Variants in MYCT1 observed in about 807,000 individuals in gnomAD.
MYCT1 encodes MYC target 1, also known as myc target protein 1.
MYCT1 carries 12 observed loss-of-function variants against 15.0 expected under a neutral mutation model. The observed-to-expected ratio is 0.80, with a 90% CI of 0.51 to 1.29. The LOEUF (loss-of-function observed/expected upper bound fraction) is 1.29. Ranked by LOEUF, MYCT1 falls within the 50% of genes most tolerant of loss-of-function variation. MYCT1 has a pLI of 0.00. For missense variants in MYCT1, 287 were observed against 279.1 expected (o/e 1.03, Z -0.20); for synonymous variants, 104 against 102.7 (o/e 1.01, Z -0.07).
chr6:152,731,136 T>G, the MYCT1 span, among the ~76,000 whole-genome samples: 1 of 151,970 alleles, frequency 6.6e-6, no homozygotes, highest in Non-Finnish European at 1.5e-5. Flanking sequence ...TACCTTCAAG[T>G]CAATAAATCT....
At chr6:152,739,972 A>G in the MYCT1 span, among the ~76,000 whole-genome samples, 1 of 152,084 alleles carries the variant, frequency 6.6e-6, no homozygotes, top group Non-Finnish European at 1.5e-5. Context: ...AATTCAGAGT[A>G]AGAAGCAAAA....
At chr6:152,706,159 G>A (rs1166038082) in intron 1 of MYCT1, 13 of 1,284,854 alleles carry the variant, frequency 1.0e-5, no homozygotes, top group Non-Finnish European at 1.5e-5. Context: ...CTTTATTAAT[G>A]AACTGTGACA....
intron 1 of MYCT1, among the ~76,000 whole-genome samples, chr6:152,703,940 T>TTTTTATTTATTTTATTTTA (rs2099721758): frequency 2.4e-5 from 3 of 123,082 alleles, no homozygotes; most frequent in African/African-American, 9.6e-5. Context: ...TTTTCCCTGT[T>TTTTTATTTATTTTATTTTA]TTTTATTTTA....
chr6:152,743,962 C>CA, the MYCT1 span, among the ~76,000 whole-genome samples: 2 of 152,192 alleles, frequency 1.3e-5, no homozygotes, highest in African/African-American at 4.8e-5. Context: ...GCTTCCTTGA[C>CA]AGGGAGAGTT....
the MYCT1 span, among the ~76,000 whole-genome samples, chr6:152,744,886 G>A: frequency 1.3e-5 from 2 of 152,182 alleles, no homozygotes; most frequent in Admixed American, 6.5e-5. Flanking sequence ...AGAGTAAGCC[G>A]AAACTCAGGG....
chr6:152,699,753 AC>A (rs1242061719), intron 1 of MYCT1, among the ~76,000 whole-genome samples: 5 of 152,140 alleles, frequency 3.3e-5, no homozygotes, highest in East Asian at 1.9e-4. Flanking sequence ...ACTTAAAAAA[AC>A]AAATCATTAT....
chr6:152,719,843 T>TTA (rs1459183496), intron 1 of MYCT1, among the ~76,000 whole-genome samples: 2 of 152,136 alleles, frequency 1.3e-5, no homozygotes, highest in East Asian at 1.9e-4. Context: ...TCTAACTCCT[T>TTA]TATATATATG....
intron 1 of MYCT1, among the ~76,000 whole-genome samples, chr6:152,698,967 G>C (rs2099720884): frequency 6.6e-6 from 1 of 151,948 alleles, no homozygotes; most frequent in Non-Finnish European, 1.5e-5. Context: ...TTGGGTTCAG[G>C]GAAATTTTTA....
chr6:152,739,011 A>C, the MYCT1 span, among the ~76,000 whole-genome samples: 3 of 151,936 alleles, frequency 2.0e-5, no homozygotes, highest in Admixed American at 6.6e-5. Context: ...GAAGAGAATG[A>C]AAAAAAGAAA....
chr6:152,744,669 A>G, the MYCT1 span, among the ~76,000 whole-genome samples: 1 of 151,688 alleles, frequency 6.6e-6, no homozygotes, highest in Non-Finnish European at 1.5e-5. Context: ...AATACCCAGA[A>G]CTCTCTTTCC....
chr6:152,714,305 C>CTTTTTT (rs5880998), intron 1 of MYCT1, among the ~76,000 whole-genome samples: 1 of 120,032 alleles, frequency 8.3e-6, no homozygotes. Context: ...TTTTCTTTTT[C>CTTTTTT]TTTTTTTTTT....
chr6:152,734,756 A>G, the MYCT1 span, among the ~76,000 whole-genome samples: 2 of 152,094 alleles, frequency 1.3e-5, no homozygotes, highest in Admixed American at 6.5e-5. Context: ...CTTTGACGTT[A>G]TCTTCCTGAA....
the MYCT1 span, among the ~76,000 whole-genome samples, chr6:152,730,949 A>G: frequency 2.0e-5 from 3 of 152,350 alleles, no homozygotes; most frequent in African/African-American, 4.8e-5. Flanking sequence ...GAAAATAGGC[A>G]TGTAGACAAA....
chr6:152,714,099 G>A (rs2099723203), intron 1 of MYCT1, among the ~76,000 whole-genome samples: 1 of 151,948 alleles, frequency 6.6e-6, no homozygotes, highest in Admixed American at 6.6e-5. Context: ...TTTATTGCCT[G>A]TATCTGTTCT....
chr6:152,706,502 A>T (rs1282454), intron 1 of MYCT1, among the ~76,000 whole-genome samples: 90,668 of 152,008 alleles, frequency 0.6, 29,489 homozygotes, highest in East Asian at 0.81. Flanking sequence ...GAAGTTAAGC[A>T]GCCTTTCTGT....
the MYCT1 span, among the ~76,000 whole-genome samples, chr6:152,744,105 C>T: frequency 6.6e-6 from 1 of 151,898 alleles, no homozygotes; most frequent in Non-Finnish European, 1.5e-5. Context: ...TCTGGCAGCA[C>T]ATTGACCTTT....
At chr6:152,705,742 G>A in intron 1 of MYCT1, 1 of 307,314 alleles carries the variant, frequency 3.3e-6, no homozygotes, top group African/African-American at 2.2e-5. Flanking sequence ...CCCCTTCTTT[G>A]GTGTATTCCA....
downstream of MYCT1, among the ~76,000 whole-genome samples, chr6:152,727,991 C>T (rs891325756): frequency 3.3e-5 from 5 of 151,954 alleles, no homozygotes; most frequent in African/African-American, 1.2e-4. Context: ...TGATGAAACG[C>T]CGTCTCTACT....
At chr6:152,718,947 A>G (rs1471281680) in intron 1 of MYCT1, among the ~76,000 whole-genome samples, 1 of 152,104 alleles carries the variant, frequency 6.6e-6, no homozygotes, top group Non-Finnish European at 1.5e-5. Context: ...AAATTTGAGT[A>G]TTTGTCTTCT....
Sources: gnomAD v4.1 joint callset for allele counts (sites outside exome capture counted in the v4.1 genomes callset) on GRCh38, gnomAD v4.1.1 for gene constraint, MANE v1.5 for transcripts, NCBI Gene and HGNC (gene_info 2026-07-23, HGNC 2026-07-21) for gene names.